REL: variants seen among roughly 807,000 people sequenced by gnomAD.
The protein encoded by REL is proto-oncogene c-Rel.
REL carries 15 observed loss-of-function variants against 45.9 expected under a neutral mutation model. The ratio of observed to expected loss-of-function variants is 0.33; its 90% CI spans 0.22 to 0.50. The LOEUF (loss-of-function observed/expected upper bound fraction) is 0.50. Among genes scored for constraint, REL ranks in the 20% least tolerant of loss-of-function variants. The pLI is 0.98. For missense variants in REL, 601 were observed against 715.2 expected (o/e 0.84, Z 1.82); for synonymous variants, 239 against 242.1 (o/e 0.99, Z 0.12).
rs530121016 is a variant in REL, at chr2:60,918,615, T to A, written c.853+9T>A. ...TCTGCCAGATGAAAAAGGTATGACA[T>A]TTTGCTGGTAATAATTTATATATTT... On this transcript the variant is annotated intron_variant, in intron 7 of 9. Coordinates refer to ENST00000394479, the MANE Select transcript of REL (RefSeq NM_001291746.2). The A allele has an allele frequency of 6.3e-7, 1 of 1,578,348 alleles. No homozygotes were observed. Among genetic ancestry groups the A allele is most frequent in the Admixed American group, 1.7e-5 (1 of 59,972 alleles).
chr2:60,917,348 T>G (rs1369119173), intron 5 of REL, among the ~76,000 whole-genome samples: 1 of 152,158 alleles, frequency 6.6e-6, no homozygotes, highest in East Asian at 1.9e-4. Context: ...ACCATATATC[T>G]TGGACATTTT....
intron 4 of REL, among the ~76,000 whole-genome samples, chr2:60,909,481 A>T (rs964942543): frequency 6.6e-6 from 1 of 151,892 alleles, no homozygotes; most frequent in Admixed American, 6.6e-5. Flanking sequence ...TTGTAGAGAC[A>T]GGGTCTCCGT....
At chr2:60,888,345 A>C (rs1270773143) in intron 1 of REL, among the ~76,000 whole-genome samples, 1 of 152,156 alleles carries the variant, frequency 6.6e-6, no homozygotes, top group African/African-American at 2.4e-5. Flanking sequence ...CCACCAAGAC[A>C]CCTTTAAATA....
At position 60,916,858 on chromosome 2, in the gene REL, A is replaced by T. The variant is rs564943720; in HGVS notation, c.395-19A>T. 524 of 1,521,578 alleles carry T rather than the reference A, an allele frequency of 3.4e-4. 1 individual carries two copies. Among genetic ancestry groups the T allele is most frequent in the Non-Finnish European group, 4.2e-4 (468 of 1,111,926 alleles). 94.3% of individuals were successfully genotyped at this position (1,521,578 alleles called of 1,614,324 possible). ...TCTATGTGACTATTACATTTAAAAA[A>T]TTTTTTTTTTCTATTCAGTCCCTGA... On this transcript the variant is annotated intron_variant, in intron 4 of 9. Transcript: ENST00000394479.
At position 60,921,278 on chromosome 2, in the gene REL, A is replaced by C. The variant is rs139391271; in HGVS notation, c.992-485A>C. 3.3e-3 allele frequency among the ~76,000 whole-genome samples: 499 copies of C among 152,180 alleles called. 6 individuals are homozygous for C. The highest frequency in any genetic ancestry group is 0.012 in the African/African-American group (478 of 41,546). ...TTTCTGTAATTTTTTTCTGACTGTG[A>C]ATTTTATAGTCTCTTAGGGTTCTGT... On this transcript the variant is annotated intron_variant, in intron 9 of 9. Coordinates refer to ENST00000394479, the MANE Select transcript of REL (RefSeq NM_001291746.2).
In REL at chr2:60,918,545, G is replaced by C. The variant is rs772149432; in HGVS notation, c.792G>C (p.Arg264=). 1 of 1,614,122 alleles carries C rather than the reference G, an allele frequency of 6.2e-7. No homozygotes were observed. The highest frequency in any genetic ancestry group is 1.7e-5 in the Admixed American group (1 of 60,022). ...CCGTAACAGTAAAAATGCAGTTGCG[G>C]AGACCTTCTGACCAGGAAGTTAGTG... ...TEPVTVKMQL[R]RPSDQEVSES... is the part of the protein sequence containing the mutation. The change falls in exon 7 of 10, where the codon CGG becomes CGC. Residue 264 remains arginine, a synonymous_variant. Coordinates refer to ENST00000394479, the MANE Select transcript of REL (RefSeq NM_001291746.2).
In REL at chr2:60,922,878, T is replaced by A; in HGVS notation, c.*343T>A. The A allele has an allele frequency of 4.2e-6, 1 of 237,494 alleles. No individual in the cohort carries two copies. Among genetic ancestry groups the A allele is most frequent in the Non-Finnish European group, 7.1e-6 (1 of 140,968 alleles). 14.7% of individuals were successfully genotyped at this position (237,494 alleles called of 1,614,324 possible). A position where few individuals can be genotyped will look rare whatever the true frequency, so the allele number is the denominator to read the frequency against. ...GGCCAACATGGTGAAACCCCGTCTCTACTAAAAATACAAAAATTAGCTGAG... is the reference window on the plus strand; with the variant it reads ...GGCCAACATGGTGAAACCCCGTCTCAACTAAAAATACAAAAATTAGCTGAG... On this transcript the variant is annotated 3_prime_UTR_variant, in exon 10 of 10. Transcript: ENST00000394479.
Position 60,922,107 on chromosome 2 carries a change from C to T in REL, c.1336C>T (p.Pro446Ser). 6.2e-7 allele frequency: 1 copy of T among 1,614,128 alleles called. No individual in the cohort carries two copies. Among genetic ancestry groups the T allele is most frequent in the Non-Finnish European group, 8.5e-7 (1 of 1,179,986 alleles). The change falls in exon 10 of 10, where the codon CCA (proline) becomes TCA (serine). Residue 446 changes from proline to serine, a missense_variant. Around this residue, in one of 4 missense-constraint regions of REL, gnomAD observed 334 missense variants for 333.1 expected, o/e 1.00. Transcript: ENST00000394479. The stretch of plus-strand genomic sequence containing the variant: ...AGTCGGAATGGAAGCGTCATCCATG[C>T]CATCAGCAGATTTATATGGTATTTC... ...DIVGMEASSM[P>S]SADLYGISDP...
In REL at chr2:60,927,823, T is replaced by G. The variant is rs993958319; in HGVS notation, c.*5288T>G. The G allele has an allele frequency of 1.3e-5, 3 of 227,738 alleles. No individual in the cohort carries two copies. The Admixed American group carries it at 1.7e-4, about 13-fold the overall frequency. The allele number at this position is 227,738 out of a possible 1,614,324, so 14.1% of individuals were successfully genotyped here. On this transcript the variant is annotated 3_prime_UTR_variant, in exon 10 of 10. Coordinates refer to ENST00000394479, the MANE Select transcript of REL (RefSeq NM_001291746.2). ...TTAACACCCATGTCACCACCATGTT[T>G]AGGACATTTCCAGCACCCCTGAAAT... is the stretch of plus-strand genomic sequence containing the variant.
At chr2:60,909,957 T>C (rs781461428) in intron 4 of REL, among the ~76,000 whole-genome samples, 3 of 152,174 alleles carry the variant, frequency 2.0e-5, no homozygotes, top group Non-Finnish European at 4.4e-5. Flanking sequence ...GTTATTTATT[T>C]TTATTTCAGT....
At chr2:60,913,107 TTTCAG>T (rs1173619462) in intron 4 of REL, among the ~76,000 whole-genome samples, 2 of 152,154 alleles carry the variant, frequency 1.3e-5, no homozygotes, top group Non-Finnish European at 2.9e-5. Flanking sequence ...TTATTATATT[TTTCAG>T]TTCTAGAATT....
chr2:60,911,499 T>C (rs1673812662), intron 4 of REL: 1 of 152,112 alleles, frequency 6.6e-6, no homozygotes, highest in Non-Finnish European at 1.5e-5. Context: ...TATATAAAGG[T>C]CAGTCATATT....
In REL at chr2:60,922,180, G is replaced by T. The variant is rs1433593124; in HGVS notation, c.1409G>T (p.Ser470Ile). The T allele has an allele frequency of 1.9e-6, 3 of 1,613,940 alleles. No individual in the cohort carries two copies. In the East Asian group the frequency reaches 6.7e-5, roughly 36 times the overall value. ...SNCSVNMMTT[S>I]SDSMGETDNP... ...TGTTCTGTGAATATGATGACAACCAGCAGTGACAGCATGGGAGAGACTGAT... is the reference window on the plus strand; with the variant it reads ...TGTTCTGTGAATATGATGACAACCATCAGTGACAGCATGGGAGAGACTGAT... The change falls in exon 10 of 10, where the codon AGC becomes ATC. Residue 470 changes from serine to isoleucine, a missense_variant. Coordinates refer to ENST00000394479, the MANE Select transcript of REL (RefSeq NM_001291746.2).
chr2:60,917,678 TAC>T (rs1491366474), intron 5 of REL, among the ~76,000 whole-genome samples: 3 of 130,930 alleles, frequency 2.3e-5, no homozygotes, highest in South Asian at 4.9e-4. Flanking sequence ...TCCCCCAAAA[TAC>T]TGTGTGTGTG....
Position 60,906,915 on chromosome 2 carries a change from T to TATA in REL, c.394+5832_394+5833insATA, listed in dbSNP as rs1558805877. Among the ~76,000 whole-genome samples, 179 of 103,436 alleles carry TATA rather than the reference T, an allele frequency of 1.7e-3. 1 individual carries two copies. Among genetic ancestry groups the TATA allele is most frequent in the African/African-American group, 7.3e-3 (157 of 21,536 alleles). 67.9% of individuals were successfully genotyped at this position (103,436 alleles called of 152,430 possible). On this transcript the variant is annotated intron_variant, in intron 4 of 9. Coordinates refer to ENST00000394479, the MANE Select transcript of REL (RefSeq NM_001291746.2). ...TGTGTATATATATATATATATATAT[T>TATA]TTTTTTTTTTTTTTCTTTTCCGAGA...
chr2:60,894,583 A>G (rs1166827765), intron 3 of REL, 38 bp downstream of exon 3: 1 of 1,464,518 alleles, frequency 6.8e-7, no homozygotes, highest in Middle Eastern at 1.8e-4. Context: ...GAAATAAGAT[A>G]AGACATAGGA....
At chr2:60,907,086 A>T (rs1276310949) in intron 4 of REL, among the ~76,000 whole-genome samples, 1 of 149,704 alleles carries the variant, frequency 6.7e-6, no homozygotes, top group East Asian at 2.0e-4. Context: ...TGCCCAGCTA[A>T]TTTTTTTTGT....
rs899538066 is a variant in REL at position 60,922,271 on chromosome 2, C to A, written c.1500C>A (p.Asp500Glu). ...PSCNSVLDPR[D>E]LRQLHQMSSS... is the part of the protein sequence containing the mutation. ...GTAATTCAGTGTTAGACCCAAGAGA[C>A]TTGAGACAGCTCCATCAGATGTCCT... is the stretch of plus-strand genomic sequence containing the variant. The change falls in exon 10 of 10, where the codon GAC (aspartate) becomes GAA (glutamate). Residue 500 changes from aspartate (D) to glutamate (E), a missense_variant. Asp to Glu is a conservative substitution (Grantham distance 45, BLOSUM62 2). Around this residue, in one of 4 missense-constraint regions of REL, gnomAD observed 334 missense variants for 333.1 expected, o/e 1.00. Coordinates refer to ENST00000394479, the MANE Select transcript of REL (RefSeq NM_001291746.2). 5 of 1,614,048 alleles carry A rather than the reference C, an allele frequency of 3.1e-6. No homozygotes were observed. The South Asian group carries it at 5.5e-5, about 18-fold the overall frequency.
chr2:60,914,944 G>C lies in REL; in HGVS notation c.395-1933G>C, dbSNP rs917336205. Among the ~76,000 whole-genome samples the C allele has an allele frequency of 2.0e-5, 3 of 149,786 alleles. No homozygotes were observed. The East Asian group carries it at 5.9e-4, about 30-fold the overall frequency. ...TGCCTCTCGGGTTCACCATTCTCCTGCCTCAGCCTCCCAAGTAGCTGGGAT... is the reference window on the plus strand; with the variant it reads ...TGCCTCTCGGGTTCACCATTCTCCTCCCTCAGCCTCCCAAGTAGCTGGGAT... On this transcript the variant is annotated intron_variant, in intron 4 of 9. Coordinates refer to ENST00000394479, the MANE Select transcript of REL (RefSeq NM_001291746.2).
Sources: allele counts gnomAD v4.1 joint callset (sites outside exome capture counted in the v4.1 genomes callset), GRCh38; gene constraint gnomAD v4.1.1; regional missense constraint gnomAD v4.1.1; transcripts MANE v1.5; gene names NCBI Gene and HGNC (gene_info 2026-07-23, HGNC 2026-07-21).